Variants in EIF2D observed in about 807,000 individuals in gnomAD.
EIF2D encodes hepatocellular carcinoma-associated antigen 56.
EIF2D carries 56 observed loss-of-function variants against 77.4 expected under a neutral mutation model. That is an observed-to-expected ratio of 0.72 (90% CI 0.58 to 0.90). The LOEUF is 0.90. EIF2D is among the 40% of genes least tolerant of loss of function. EIF2D has a pLI of 0.00. For missense variants in EIF2D, 574 were observed against 706.5 expected (o/e 0.81, Z 2.13); for synonymous variants, 230 against 271.0 (o/e 0.85, Z 1.49).
At chr1:206,605,561 C>T in intron 4 of EIF2D, 54 bp from the exon 5 acceptor site, 1 of 1,457,012 alleles carries the variant, frequency 6.9e-7, no homozygotes. Context: ...GGGAAGGGCA[C>T]ATGTTAGGAT....
At position 206,597,143 on chromosome 1, in the gene EIF2D, G is replaced by C. The variant is rs782452874; in HGVS notation, c.1345C>G (p.Gln449Glu). The C allele has an allele frequency of 1.9e-6, 3 of 1,614,074 alleles. No individual in the cohort carries two copies. The South Asian group carries it at 3.3e-5, about 18-fold the overall frequency. The change falls in exon 12 of 15, where the codon CAG becomes GAG. Residue 449 changes from glutamine to glutamate, a missense_variant. Transcript: ENST00000271764. The part of the protein sequence containing the change: ...LCDCILEKNE[Q>E]HTVMKLPWDS... ...CATGGAAGCTTCATGACTGTATGCT[G>C]TTCATTTTTCTCTAAGATGCAGTCA... is the stretch of plus-strand genomic sequence containing the variant.
At position 206,583,437 on chromosome 1, in the gene EIF2D, C is replaced by T. The variant is rs1473045417; in HGVS notation, c.139-2275G>A. 7.8e-6 allele frequency: 9 copies of T among 1,158,210 alleles called. No homozygotes were observed. The East Asian group carries it at 9.5e-5, about 12-fold the overall frequency. 71.7% of individuals were successfully genotyped at this position (1,158,210 alleles called of 1,614,324 possible). On this transcript the variant is annotated intron_variant and NMD_transcript_variant, in intron 2 of 5. Transcript: ENST00000472709. ...GCTCCACCACCCGCTTCGGGTTTGG[C>T]GCCTCTGCCCTCACTCTGAATTCTG...
downstream of EIF2D, chr1:206,586,886 C>T: frequency 1.9e-6 from 3 of 1,614,130 alleles, no homozygotes; most frequent in African/African-American, 1.3e-5. Flanking sequence ...AAAAGAGGAG[C>T]AGGACAAAAT....
intron 4 of EIF2D, 29 bp downstream of exon 4, chr1:206,608,207 C>CA (rs1553413064): frequency 6.3e-7 from 1 of 1,596,618 alleles, no homozygotes; most frequent in South Asian, 1.1e-5. Context: ...AAGTTTTTCC[C>CA]CCAAAGGCAC....
Position 206,579,690 on chromosome 1 carries a change from C to T in EIF2D, c.*254+1002G>A, listed in dbSNP as rs1668793985. ...TTAAAATTCCCATGCCCAGACTGCA[C>T]CCCAGACCAATTAAATCAGAATCTC... On this transcript the variant is annotated intron_variant and NMD_transcript_variant, in intron 4 of 5. Coordinates refer to the EIF2D transcript ENST00000472709. This position sits in a 1 kb window ranked among gnomAD's most constrained non-coding sequence, Gnocchi z 4.2. Among the ~76,000 whole-genome samples, 1 of 152,174 alleles carries T rather than the reference C, an allele frequency of 6.6e-6. No individual in the cohort carries two copies. The highest frequency in any genetic ancestry group is 1.5e-5 in the Non-Finnish European group (1 of 68,020).
chr1:206,609,322 G>T, intron 3 of EIF2D, 54 bp downstream of exon 3: 1 of 1,530,014 alleles, frequency 6.5e-7, no homozygotes, highest in Non-Finnish European at 9.0e-7. Flanking sequence ...ACATCAGTTG[G>T]CTTTTGCTAA....
chr1:206,607,952 T>C (rs1412538970), intron 4 of EIF2D, among the ~76,000 whole-genome samples: 7 of 152,068 alleles, frequency 4.6e-5, no homozygotes, highest in Admixed American at 2.6e-4. Flanking sequence ...TCTACTATCT[T>C]TGCAACTCTT....
At chr1:206,588,098 C>G (rs578162687), downstream of EIF2D, 2 of 152,762 alleles carry the variant, frequency 1.3e-5, no homozygotes, top group African/African-American at 4.8e-5. Context: ...CTCGGAGAGC[C>G]GGTGGGCCTG....
chr1:206,610,992 G>C (rs948077736), intron 2 of EIF2D, among the ~76,000 whole-genome samples, 192 bp downstream of exon 2: 3 of 152,004 alleles, frequency 2.0e-5, no homozygotes, highest in Non-Finnish European at 4.4e-5. Flanking sequence ...TTTTGCATAA[G>C]AGAAAACCTT....
downstream of EIF2D, among the ~76,000 whole-genome samples, chr1:206,570,548 A>C: frequency 6.7e-6 from 1 of 149,072 alleles, no homozygotes; most frequent in African/African-American, 2.5e-5. Context: ...TTAAACAGTA[A>C]CTCACTATTT....
chr1:206,582,284 C>T (rs1185189690), intron 2 of EIF2D, among the ~76,000 whole-genome samples: 1 of 152,190 alleles, frequency 6.6e-6, no homozygotes, highest in Non-Finnish European at 1.5e-5. Flanking sequence ...TCATTGTTCA[C>T]TTATCCTTCC....
At chr1:206,593,233 A>G (rs1669437208) in intron 14 of EIF2D, among the ~76,000 whole-genome samples, 1 of 152,186 alleles carries the variant, frequency 6.6e-6, no homozygotes, top group Admixed American at 6.5e-5. Context: ...CCTCATCTGC[A>G]AAACAGATAA....
At chr1:206,596,082 A>C (rs1466524934) in intron 12 of EIF2D, among the ~76,000 whole-genome samples, 1 of 152,208 alleles carries the variant, frequency 6.6e-6, no homozygotes, top group Non-Finnish European at 1.5e-5. Flanking sequence ...CACTGATTCA[A>C]AGATGGGAAC....
chr1:206,600,111 G>A (rs1669850152), intron 8 of EIF2D, 152 bp downstream of exon 8: 1 of 787,906 alleles, frequency 1.3e-6, no homozygotes, highest in Non-Finnish European at 2.0e-6. Context: ...AGCCCAGGGA[G>A]AGTTTCTTTC....
chr1:206,599,160 G>T lies in EIF2D; in HGVS notation c.1203-68C>A. On this transcript the variant is annotated intron_variant, in intron 10 of 14. Transcript: ENST00000271764. The surrounding 1 kb of genome is among the most constrained non-coding windows in gnomAD (Gnocchi z 4.1). The stretch of plus-strand genomic sequence containing the variant: ...CATGAGACAAAAATGCAGATGCCCA[G>T]ACTCACTCCCTGCTGAGCAGGGAAC... 6.9e-7 allele frequency: 1 copy of T among 1,452,696 alleles called. No individual in the cohort carries two copies. The highest frequency in any genetic ancestry group is 9.6e-7 in the Non-Finnish European group (1 of 1,039,414). The allele number at this position is 1,452,696 out of a possible 1,614,324, so 90.0% of individuals were successfully genotyped here.
intron 14 of EIF2D, 97 bp downstream of exon 14, chr1:206,593,522 T>G: frequency 1.2e-6 from 1 of 828,210 alleles, no homozygotes. Flanking sequence ...TGTGTGTGTG[T>G]GTGTGTGTGT....
downstream of EIF2D, among the ~76,000 whole-genome samples, chr1:206,589,714 A>T (rs567552125): frequency 6.6e-6 from 1 of 152,390 alleles, no homozygotes; most frequent in East Asian, 1.9e-4. Flanking sequence ...GGCTAGATCA[A>T]ATGACCAAAA....
In EIF2D at chr1:206,602,849, C is replaced by T. The variant is rs6675741; in HGVS notation, c.784+102G>A. The T allele has an allele frequency of 1.2e-4, 182 of 1,496,090 alleles. No homozygotes were observed. The African/African-American group carries it at 2.3e-3, about 19-fold the overall frequency. 92.7% of individuals were successfully genotyped at this position (1,496,090 alleles called of 1,614,324 possible). A position where few individuals can be genotyped will look rare whatever the true frequency, so the allele number is the denominator to read the frequency against. On this transcript the variant is annotated intron_variant, in intron 6 of 14. Coordinates refer to ENST00000271764, the MANE Select transcript of EIF2D (RefSeq NM_006893.3). ...GAAAATAAGGACCTTCCCCTCCTCC[C>T]CCGGAAGCTTAAGGGCCATTCTAGT...
At chr1:206,596,406 T>C (rs1026137502) in intron 12 of EIF2D, among the ~76,000 whole-genome samples, 13 of 152,222 alleles carry the variant, frequency 8.5e-5, no homozygotes, top group African/African-American at 3.1e-4. Flanking sequence ...GTTCTGCCAT[T>C]ATAGCATAAA....
Sources: gnomAD v4.1 joint callset for allele counts (sites outside exome capture counted in the v4.1 genomes callset) on GRCh38, gnomAD v4.1.1 for gene constraint, Gnocchi (gnomAD v3.1) non-coding constraint, MANE v1.5 for transcripts, NCBI Gene and HGNC (gene_info 2026-07-23, HGNC 2026-07-21) for gene names.